The following CSMD2 variants were observed in gnomAD, a reference collection of about 807,000 sequenced individuals.
CSMD2 encodes CUB and sushi domain-containing protein 2.
Under a neutral mutation model 398.5 loss-of-function variants are expected in CSMD2, and 130 were observed. The ratio of observed to expected loss-of-function variants is 0.33; its 90% CI spans 0.28 to 0.38. CSMD2 has a LOEUF of 0.38. Ranked by LOEUF, CSMD2 falls within the 10% of genes least tolerant of loss-of-function variation. CSMD2 has a pLI of 1.00. For missense variants in CSMD2, 3,829 were observed against 4,764.9 expected, an observed-to-expected ratio of 0.80 and a Z score of 5.78; for synonymous variants, 1,828 against 1,908.5, an observed-to-expected ratio of 0.96 and a Z score of 1.10.
At chr1:33,665,916 A>G (rs1644302343) in intron 25 of CSMD2, among the ~76,000 whole-genome samples, 1 of 152,122 alleles carries the variant, frequency 6.6e-6, no homozygotes, top group South Asian at 2.1e-4. Flanking sequence ...ACTAGATCAT[A>G]ATTTTCATGA....
At chr1:33,858,530 C>T (rs927005739) in intron 5 of CSMD2, among the ~76,000 whole-genome samples, 8 of 152,278 alleles carry the variant, frequency 5.3e-5, no homozygotes, top group East Asian at 1.9e-4. Context: ...TCTCTTTTCA[C>T]GCTTCCAGGC....
chr1:33,619,272 G>A (rs940235258), intron 37 of CSMD2, among the ~76,000 whole-genome samples: 22 of 152,330 alleles, frequency 1.4e-4, no homozygotes, highest in Admixed American at 3.9e-4. Flanking sequence ...TGTGGGAGAT[G>A]GCAGCCTTGG....
chr1:33,847,169 T>C (rs1238575032), intron 5 of CSMD2, among the ~76,000 whole-genome samples, 173 bp from the exon 6 acceptor site: 1 of 152,048 alleles, frequency 6.6e-6, no homozygotes, highest in Non-Finnish European at 1.5e-5. Context: ...CCTGAGCAGC[T>C]TGAGATGGCT....
At chr1:34,048,741 T>A (rs1186366021) in intron 2 of CSMD2, among the ~76,000 whole-genome samples, 1 of 152,206 alleles carries the variant, frequency 6.6e-6, no homozygotes, top group Non-Finnish European at 1.5e-5. Context: ...GACAGCGCTT[T>A]GCAGTGTGCT....
intron 1 of CSMD2, among the ~76,000 whole-genome samples, chr1:34,113,260 A>T (rs1280610761): frequency 6.6e-6 from 1 of 152,186 alleles, no homozygotes; most frequent in Non-Finnish European, 1.5e-5. Flanking sequence ...TCCAAGAGAA[A>T]GTGTGGGTCT....
At chr1:33,716,753 A>T (rs1557780064) in intron 19 of CSMD2, among the ~76,000 whole-genome samples, 1 of 152,238 alleles carries the variant, frequency 6.6e-6, no homozygotes, top group Non-Finnish European at 1.5e-5. Context: ...GGAGAATTTT[A>T]CAGTTCTCAA....
At chr1:33,710,565 A>C (rs1293852978) in intron 21 of CSMD2, among the ~76,000 whole-genome samples, 4 of 152,140 alleles carry the variant, frequency 2.6e-5, no homozygotes, top group Non-Finnish European at 4.4e-5. Flanking sequence ...CATGCCTTGA[A>C]TCTTTCAGGC....
intron 5 of CSMD2, among the ~76,000 whole-genome samples, chr1:33,903,034 C>T (rs1356701842): frequency 6.6e-6 from 1 of 152,210 alleles, no homozygotes; most frequent in East Asian, 1.9e-4. Context: ...GAGTGAATAG[C>T]TGAAACTGAC....
At chr1:34,048,635 T>A (rs1652819937) in intron 2 of CSMD2, among the ~76,000 whole-genome samples, 1 of 152,144 alleles carries the variant, frequency 6.6e-6, no homozygotes, top group Non-Finnish European at 1.5e-5. Flanking sequence ...GGGGGTCTTC[T>A]CCTTACCTGC....
chr1:33,891,432 C>T lies in CSMD2; in HGVS notation c.920+26662G>A, dbSNP rs1257696507. On this transcript the variant is annotated intron_variant, in intron 5 of 70. Coordinates refer to ENST00000373381, the MANE Select transcript of CSMD2 (RefSeq NM_001281956.2). ...TGGAGAGGATGTGGAGAAATAGGAA[C>T]ACTTTTACACTGTTGGTGGGACTGT... Among the ~76,000 whole-genome samples, 3 of 151,188 alleles carry T rather than the reference C, an allele frequency of 2.0e-5. No homozygotes were observed. The South Asian group carries it at 6.3e-4, about 32-fold the overall frequency.
intron 15 of CSMD2, among the ~76,000 whole-genome samples, chr1:33,735,911 A>G (rs978748526): frequency 6.6e-6 from 1 of 152,200 alleles, no homozygotes; most frequent in Non-Finnish European, 1.5e-5. Context: ...GAGGGAGAGG[A>G]GCCAAGAAGG....
At chr1:33,578,460 C>T (rs1159337373) in intron 48 of CSMD2, among the ~76,000 whole-genome samples, 1 of 152,130 alleles carries the variant, frequency 6.6e-6, no homozygotes, top group Non-Finnish European at 1.5e-5. Context: ...TGCCCGTAGT[C>T]CCAGCTACTC....
At chr1:33,570,905 CCTT>C (rs1360541894) in intron 51 of CSMD2, among the ~76,000 whole-genome samples, 13 of 152,302 alleles carry the variant, frequency 8.5e-5, no homozygotes, top group African/African-American at 2.9e-4. Context: ...GCTCAATTCT[CCTT>C]CTGCCCAGTC....
At chr1:34,084,646 C>A (rs1316685174) in intron 2 of CSMD2, among the ~76,000 whole-genome samples, 2 of 151,976 alleles carry the variant, frequency 1.3e-5, no homozygotes, top group Non-Finnish European at 2.9e-5. Context: ...CCATCACTGG[C>A]CATCAGAGAA....
intron 5 of CSMD2, among the ~76,000 whole-genome samples, chr1:33,916,037 A>C (rs1643704647): frequency 6.6e-6 from 1 of 152,194 alleles, no homozygotes; most frequent in African/African-American, 2.4e-5. Flanking sequence ...GATGAAATGA[A>C]ATTATAGCTC....
At position 33,580,789 on chromosome 1, in the gene CSMD2, C is replaced by T. The variant is rs760040789; in HGVS notation, c.7351G>A (p.Ala2451Thr). Residue 2451 changes from alanine (A) to threonine (T), a missense_variant, in exon 48 of 71, where the codon GCC (alanine) becomes ACC (threonine). Physicochemically the swap from Ala to Thr is moderately conservative, Grantham distance 58. Coordinates refer to ENST00000373381, the MANE Select transcript of CSMD2 (RefSeq NM_001281956.2). ...ATCTTGAAGCCCTTCCGATTGTAGG[C>T]GTGATCAGATGACCAACGCAGGTAC... ...SVYLRWSSDH[A>T]YNRKGFKIRY... The T allele has an allele frequency of 5.0e-5, 80 of 1,613,936 alleles. No individual in the cohort carries two copies. The highest frequency in any genetic ancestry group is 6.2e-5 in the Non-Finnish European group (73 of 1,180,026).
intron 25 of CSMD2, among the ~76,000 whole-genome samples, chr1:33,685,625 C>T (rs1645040671): frequency 6.6e-6 from 1 of 152,194 alleles, no homozygotes; most frequent in South Asian, 2.1e-4. Context: ...GCAGCTCCAG[C>T]CACGTCAAGT....
rs149929554 is a variant in CSMD2, at chr1:33,957,740, C to A, written c.518-21786G>T. On this transcript the variant is annotated intron_variant, in intron 3 of 70. Coordinates refer to ENST00000373381, the MANE Select transcript of CSMD2 (RefSeq NM_001281956.2). ...ACAGAAGGGGCAGCTGAGAGACAGT[C>A]TCTCTGGACCCACAGTGACTGAAGA... Among the ~76,000 whole-genome samples the A allele has an allele frequency of 1.2e-3, 181 of 152,274 alleles. 2 individuals carry two copies. The highest frequency in any genetic ancestry group is 2.2e-3 in the Non-Finnish European group (151 of 68,024).
In CSMD2 at chr1:34,013,785, C is replaced by T. The variant is rs141950852; in HGVS notation, c.517+18809G>A. ...AATCCCTCTTTTCTGTCTCTGCTCC[C>T]TTGCGAGGTCATCTCATCTGACCTC... On this transcript the variant is annotated intron_variant, in intron 3 of 70. Transcript: ENST00000373381. Among the ~76,000 whole-genome samples the T allele has an allele frequency of 8.0e-4, 122 of 152,296 alleles. 1 individual carries two copies. Among genetic ancestry groups the T allele is most frequent in the African/African-American group, 2.7e-3 (114 of 41,550 alleles).
Sources: gnomAD v4.1 joint callset for allele counts (sites outside exome capture counted in the v4.1 genomes callset) on GRCh38, gnomAD v4.1.1 for gene constraint, MANE v1.5 for transcripts, NCBI Gene and HGNC (gene_info 2026-07-23, HGNC 2026-07-21) for gene names.